Variants in RFX3 observed in about 807,000 individuals in gnomAD.
The protein encoded by RFX3 is regulatory factor X3, also known as transcription factor RFX3.
RFX3 carries 14 observed loss-of-function variants against 98.6 expected under a neutral mutation model. The ratio of observed to expected loss-of-function variants is 0.14; its 90% CI spans 0.09 to 0.22. The LOEUF (loss-of-function observed/expected upper bound fraction) is 0.22, where lower values mean the gene tolerates loss of function less well. Ranked by LOEUF, RFX3 falls within the 10% of genes least tolerant of loss-of-function variation. The pLI is 1.00. For missense variants in RFX3, 639 were observed against 926.9 expected (o/e 0.69, Z 4.03); for synonymous variants, 383 against 328.4 (o/e 1.17, Z -1.80).
intron 1 of RFX3, among the ~76,000 whole-genome samples, chr9:3,450,482 A>T (rs1210758094): frequency 1.3e-5 from 2 of 152,182 alleles, no homozygotes; most frequent in Non-Finnish European, 2.9e-5. Context: ...GATACAAAAG[A>T]AAGTACTATT....
At chr9:3,519,108 T>C (rs1818455725) in intron 1 of RFX3, among the ~76,000 whole-genome samples, 1 of 152,202 alleles carries the variant, frequency 6.6e-6, no homozygotes, top group African/African-American at 2.4e-5. Context: ...GACAATGAAC[T>C]GGACAATGGG....
At chr9:3,434,893 C>G (rs1195018772) in intron 1 of RFX3, among the ~76,000 whole-genome samples, 1 of 152,056 alleles carries the variant, frequency 6.6e-6, no homozygotes, top group African/African-American at 2.4e-5. Context: ...CTATTATACA[C>G]CTAGGCTATA....
At chr9:3,360,258 A>G (rs557071434) in intron 2 of RFX3, among the ~76,000 whole-genome samples, 1 of 152,252 alleles carries the variant, frequency 6.6e-6, no homozygotes, top group African/African-American at 2.4e-5. Flanking sequence ...AATATTTTTC[A>G]CTACTTTAAA....
intron 2 of RFX3, among the ~76,000 whole-genome samples, chr9:3,367,087 A>C (rs1837297436): frequency 1.3e-5 from 2 of 152,160 alleles, no homozygotes; most frequent in South Asian, 2.1e-4. Flanking sequence ...TCTAATTCCT[A>C]TAACTTGTGA....
At chr9:3,356,005 A>G (rs925493388) in intron 2 of RFX3, among the ~76,000 whole-genome samples, 2 of 151,876 alleles carry the variant, frequency 1.3e-5, no homozygotes, top group Admixed American at 6.6e-5. Context: ...TACTGAAAAT[A>G]TATCATAATT....
chr9:3,343,235 C>G (rs1196916790), intron 3 of RFX3, among the ~76,000 whole-genome samples: 4 of 152,128 alleles, frequency 2.6e-5, no homozygotes, highest in African/African-American at 9.7e-5. Flanking sequence ...CATTAGCGAG[C>G]TTACTAAGCA....
rs1446575435 is a variant in RFX3, at chr9:3,502,263, A to G, written c.-9+23484T>C. Among the ~76,000 whole-genome samples, 6 of 142,682 alleles carry G rather than the reference A, an allele frequency of 4.2e-5. No individual in the cohort carries two copies. In the South Asian group the frequency reaches 1.3e-3, roughly 32 times the overall value. 93.6% of individuals were successfully genotyped at this position (142,682 alleles called of 152,430 possible). A position where few individuals can be genotyped will look rare whatever the true frequency, so the allele number is the denominator to read the frequency against. ...ACACAGCAAGACTCTGTCTCAAAAGAAAAAAAAAAAAATCACTTTCACTTT... is the reference window on the plus strand; with the variant it reads ...ACACAGCAAGACTCTGTCTCAAAAGGAAAAAAAAAAAATCACTTTCACTTT... On this transcript the variant is annotated intron_variant, in intron 1 of 16. Transcript: ENST00000617270.
intron 1 of RFX3, among the ~76,000 whole-genome samples, chr9:3,453,120 T>A: frequency 6.6e-6 from 1 of 152,122 alleles, no homozygotes. Context: ...CATGTAAATT[T>A]CTTAGCCTAG....
intron 1 of RFX3, among the ~76,000 whole-genome samples, chr9:3,517,749 T>G (rs1818315425): frequency 6.6e-6 from 1 of 152,226 alleles, no homozygotes; most frequent in African/African-American, 2.4e-5. Context: ...GGGAGCCTTC[T>G]GAATCAAAAC....
intron 1 of RFX3, among the ~76,000 whole-genome samples, chr9:3,439,132 T>TAAAAAA (rs1181024147): frequency 1.3e-5 from 2 of 150,758 alleles, no homozygotes. Flanking sequence ...TGAACGAAAT[T>TAAAAAA]AAAAAAAATA....
intron 4 of RFX3, among the ~76,000 whole-genome samples, chr9:3,303,553 A>T (rs960404823): frequency 2.0e-5 from 3 of 151,938 alleles, no homozygotes; most frequent in Non-Finnish European, 4.4e-5. Flanking sequence ...ATTACCAGAT[A>T]CATAATTGCT....
chr9:3,507,451 T>C (rs1203308909), intron 1 of RFX3, among the ~76,000 whole-genome samples: 1 of 151,948 alleles, frequency 6.6e-6, no homozygotes, highest in East Asian at 1.9e-4. Context: ...TCTTTTCAGG[T>C]TGATTTTATT....
chr9:3,277,541 TCA>T, intron 7 of RFX3, 80 bp from the exon 8 acceptor site: 1 of 1,207,510 alleles, frequency 8.3e-7, no homozygotes, highest in Non-Finnish European at 1.2e-6. Context: ...CCCAAAGCAT[TCA>T]GTTTTATTCT....
chr9:3,525,575 CG>C (rs1819201391), intron 1 of RFX3, among the ~76,000 whole-genome samples, 171 bp downstream of exon 1: 1 of 152,000 alleles, frequency 6.6e-6, no homozygotes, highest in African/African-American at 2.4e-5. Flanking sequence ...TAAACAAGCC[CG>C]GGGAACAGAG....
chr9:3,407,372 C>G (rs1377653392), intron 1 of RFX3, among the ~76,000 whole-genome samples: 4 of 151,982 alleles, frequency 2.6e-5, no homozygotes, highest in African/African-American at 9.7e-5. Context: ...CTATTATTAT[C>G]CCATTTATTA....
chr9:3,238,577 G>C (rs1417857594), intron 15 of RFX3, among the ~76,000 whole-genome samples: 2 of 152,156 alleles, frequency 1.3e-5, no homozygotes, highest in Admixed American at 1.3e-4. Context: ...CCTTTTTAGA[G>C]AATCAGGAAG....
At chr9:3,516,207 C>G (rs1385087607) in intron 1 of RFX3, among the ~76,000 whole-genome samples, 17 of 152,036 alleles carry the variant, frequency 1.1e-4, no homozygotes. Context: ...CGCCACCACG[C>G]CCAGCTAATT....
chr9:3,452,682 A>G (rs1846766895), intron 1 of RFX3, among the ~76,000 whole-genome samples: 1 of 152,222 alleles, frequency 6.6e-6, no homozygotes, highest in African/African-American at 2.4e-5. Flanking sequence ...TGTGGGAAAA[A>G]GACATACTTT....
At chr9:3,433,838 T>C (rs559768045) in intron 1 of RFX3, among the ~76,000 whole-genome samples, 1 of 152,000 alleles carries the variant, frequency 6.6e-6, no homozygotes, top group African/African-American at 2.4e-5. Context: ...TGGGCTAGAG[T>C]CCCTGTCACA....
Sources: allele counts gnomAD v4.1 joint callset (sites outside exome capture counted in the v4.1 genomes callset), GRCh38; gene constraint gnomAD v4.1.1; transcripts MANE v1.5; gene names NCBI Gene and HGNC (gene_info 2026-07-23, HGNC 2026-07-21).